Variants in ANKRD12 observed in about 807,000 individuals in gnomAD.
ANKRD12 encodes the protein ankyrin repeat domain 12.
ANKRD12 carries 85 observed loss-of-function variants against 183.4 expected under a neutral mutation model. The ratio of observed to expected loss-of-function variants is 0.46; its 90% confidence interval spans 0.39 to 0.56. The LOEUF (loss-of-function observed/expected upper bound fraction) is 0.56, where lower values mean the gene tolerates loss of function less well. Among genes scored for constraint, ANKRD12 ranks in the 20% least tolerant of loss-of-function variants. The pLI, the probability that ANKRD12 is intolerant of heterozygous loss-of-function variation, is 0.00. For synonymous variants in ANKRD12, 914 were observed against 800.2 expected (o/e 1.14, Z -2.40); for missense variants, 2,405 against 2,357.1 (o/e 1.02, Z -0.42).
In ANKRD12 at chr18:9,266,788, G is replaced by A. The variant is rs1270148641; in HGVS notation, c.5763+2900G>A. Among the ~76,000 whole-genome samples the A allele has an allele frequency of 2.0e-5, 3 of 152,080 alleles. No homozygotes were observed. The East Asian group carries it at 5.8e-4, about 29-fold the overall frequency. ...ACAATATTAACCTTAAATGTAAATGGGCTAAATGCTCCAATTAAAAGACAC... is the reference window on the plus strand; with the variant it reads ...ACAATATTAACCTTAAATGTAAATGAGCTAAATGCTCCAATTAAAAGACAC... On this transcript the variant is annotated intron_variant, in intron 10 of 12. Transcript: ENST00000262126.
chr18:9,280,804 A>G, intron 12 of ANKRD12, 137 bp from the exon 13 acceptor site: 1 of 799,710 alleles, frequency 1.3e-6, no homozygotes, highest in Non-Finnish European at 2.0e-6. Context: ...AAAAAGAAAG[A>G]AATGGACTTG....
At position 9,256,420 on chromosome 18, in the gene ANKRD12, G is replaced by T; in HGVS notation, c.3153G>T (p.Lys1051Asn). ...SLLKLKSEADKPKPKSSPASK... is the reference protein window; with the variant it reads ...SLLKLKSEADNPKPKSSPASK... ...TCAAACTAAAATCTGAAGCAGATAA[G>T]CCTAAACCTAAGTCATCACCAGCAT... Residue 1051 changes from lysine (K) to asparagine (N), a missense_variant, in exon 9 of 13, where the codon AAG becomes AAT. By Grantham distance (94) the Lys-to-Asn change is moderately conservative (BLOSUM62 0). Around this residue, in one of 7 missense-constraint regions of ANKRD12, gnomAD observed 1,983 missense variants for 1,725.9 expected, o/e 1.15. Transcript: ENST00000262126. The T allele has an allele frequency of 7.4e-6, 12 of 1,612,648 alleles. No homozygotes were observed. The highest frequency in any genetic ancestry group is 1.0e-5 in the Non-Finnish European group (12 of 1,179,588).
At chr18:9,240,565 C>A (rs1287914454) in intron 8 of ANKRD12, among the ~76,000 whole-genome samples, 1 of 152,142 alleles carries the variant, frequency 6.6e-6, no homozygotes, top group Non-Finnish European at 1.5e-5. Flanking sequence ...AACAACTTTG[C>A]CAGACACTGG....
chr18:9,277,990 G>A, intron 11 of ANKRD12, among the ~76,000 whole-genome samples: 1 of 152,178 alleles, frequency 6.6e-6, no homozygotes, highest in Non-Finnish European at 1.5e-5. Flanking sequence ...TCCTTTTGTG[G>A]ATCATAAGCC....
At chr18:9,170,496 G>A (rs893602768) in intron 1 of ANKRD12, among the ~76,000 whole-genome samples, 9 of 151,998 alleles carry the variant, frequency 5.9e-5, no homozygotes, top group South Asian at 4.1e-4. Flanking sequence ...CCAGTTGATC[G>A]CATCGGCTGC....
intron 8 of ANKRD12, among the ~76,000 whole-genome samples, chr18:9,234,435 C>T (rs1433751225): frequency 6.6e-6 from 1 of 152,142 alleles, no homozygotes; most frequent in African/African-American, 2.4e-5. Context: ...GAGCTCTGGG[C>T]TCTAGAAAGC....
rs371992329 is a variant in ANKRD12, at chr18:9,221,764, G to A, written c.796-88G>A. 210 of 1,323,520 alleles carry A rather than the reference G, an allele frequency of 1.6e-4. 1 individual carries two copies. The African/African-American group carries it at 2.6e-3, about 16-fold the overall frequency. 82.0% of individuals were successfully genotyped at this position (1,323,520 alleles called of 1,614,324 possible). A position where few individuals can be genotyped will look rare whatever the true frequency, so the allele number is the denominator to read the frequency against. ...TGCAGAGTAAATGAGGTAACACTCA[G>A]AAGGATACTATGAGTATTATCAAGA... On this transcript the variant is annotated intron_variant, in intron 7 of 12. Coordinates refer to ENST00000262126, the MANE Select transcript of ANKRD12 (RefSeq NM_015208.5).
At position 9,155,550 on chromosome 18, in the gene ANKRD12, C is replaced by G. The variant is rs555542846; in HGVS notation, c.-52+18585C>G. Among the ~76,000 whole-genome samples, 6 of 152,318 alleles carry G rather than the reference C, an allele frequency of 3.9e-5. No individual in the cohort carries two copies. The East Asian group carries it at 1.2e-3, about 29-fold the overall frequency. On this transcript the variant is annotated intron_variant, in intron 1 of 12. Transcript: ENST00000262126. ...TTATGGTTTCTGCCAAATACCTCTC[C>G]AAGGAGAATATATCCCAATTTTTAT...
intron 6 of ANKRD12, among the ~76,000 whole-genome samples, chr18:9,216,047 G>A (rs1260717795): frequency 1.4e-5 from 2 of 139,250 alleles, no homozygotes; most frequent in Admixed American, 1.5e-4. Context: ...ACCAATCCTT[G>A]TATGATCCAG....
Position 9,279,533 on chromosome 18 carries a change from C to T in ANKRD12, c.5908-16C>T. On this transcript the variant is annotated splice_polypyrimidine_tract_variant and intron_variant, in intron 11 of 12. Coordinates refer to ENST00000262126, the MANE Select transcript of ANKRD12 (RefSeq NM_015208.5). ...GTGATTTATTGTATTTTATAATACTCACTTTTCTCTTTTAGTCTGATGACA... is the reference window on the plus strand; with the variant it reads ...GTGATTTATTGTATTTTATAATACTTACTTTTCTCTTTTAGTCTGATGACA... 1 of 1,453,946 alleles carries T rather than the reference C, an allele frequency of 6.9e-7. No individual in the cohort carries two copies. 90.1% of individuals were successfully genotyped at this position (1,453,946 alleles called of 1,614,324 possible). A position where few individuals can be genotyped will look rare whatever the true frequency, so the allele number is the denominator to read the frequency against.
intron 10 of ANKRD12, among the ~76,000 whole-genome samples, chr18:9,270,542 A>T (rs2039541870): frequency 6.6e-6 from 1 of 152,154 alleles, no homozygotes; most frequent in Non-Finnish European, 1.5e-5. Flanking sequence ...GCATGTTCTC[A>T]CTCATAGGTG....
At chr18:9,267,198 AC>A (rs1198964620) in intron 10 of ANKRD12, among the ~76,000 whole-genome samples, 2 of 152,202 alleles carry the variant, frequency 1.3e-5, no homozygotes, top group Non-Finnish European at 2.9e-5. Flanking sequence ...CCCACTGTCA[AC>A]ATTAGACAGA....
chr18:9,150,280 C>A (rs915831049), intron 1 of ANKRD12, among the ~76,000 whole-genome samples: 2 of 152,086 alleles, frequency 1.3e-5, no homozygotes, highest in African/African-American at 4.8e-5. Flanking sequence ...TACCTTTTAT[C>A]TCGTTTCGTC....
At chr18:9,270,464 C>A (rs1246862630) in intron 10 of ANKRD12, among the ~76,000 whole-genome samples, 2 of 152,080 alleles carry the variant, frequency 1.3e-5, no homozygotes, top group East Asian at 1.9e-4. Context: ...TGTCCTCTGT[C>A]GGGACATGGA....
chr18:9,230,990 A>AT (rs1374419164), intron 8 of ANKRD12, among the ~76,000 whole-genome samples: 6 of 151,342 alleles, frequency 4.0e-5, no homozygotes, highest in African/African-American at 9.7e-5. Context: ...TGTTTCAAGA[A>AT]TTTTTTTTAT....
chr18:9,169,399 T>A (rs1299918830), intron 1 of ANKRD12, among the ~76,000 whole-genome samples: 1 of 152,222 alleles, frequency 6.6e-6, no homozygotes, highest in Non-Finnish European at 1.5e-5. Context: ...GGTTCTTCTG[T>A]ATTGGGTGCA....
At chr18:9,182,771 A>G (rs1598478619) in intron 2 of ANKRD12, among the ~76,000 whole-genome samples, 2 of 152,244 alleles carry the variant, frequency 1.3e-5, no homozygotes, top group East Asian at 3.9e-4. Flanking sequence ...AGAGAGGGAA[A>G]AATTTTTATT....
chr18:9,181,761 T>A (rs1186031684), intron 1 of ANKRD12, among the ~76,000 whole-genome samples: 1 of 152,130 alleles, frequency 6.6e-6, no homozygotes, highest in Non-Finnish European at 1.5e-5. Context: ...AATCATAAGC[T>A]CTTAGGAGAA....
intron 1 of ANKRD12, among the ~76,000 whole-genome samples, chr18:9,160,388 T>C (rs1035475678): frequency 6.6e-6 from 1 of 152,246 alleles, no homozygotes; most frequent in South Asian, 2.1e-4. Context: ...GCTAGGATTA[T>C]AGGCATGAAC....
Sources: gnomAD v4.1 joint callset for allele counts (sites outside exome capture counted in the v4.1 genomes callset) on GRCh38, gnomAD v4.1.1 for gene constraint, gnomAD v4.1.1 regional missense constraint, MANE v1.5 for transcripts, NCBI Gene and HGNC (gene_info 2026-07-23, HGNC 2026-07-21) for gene names.